CR1: variants seen among roughly 807,000 people sequenced by gnomAD.
CR1 encodes the protein complement C3b/C4b receptor 1 (Knops blood group).
CR1 carries 116 observed loss-of-function variants against 187.3 expected under a neutral mutation model. The ratio of observed to expected loss-of-function variants is 0.62; its 90% CI spans 0.53 to 0.72. The LOEUF is 0.72. Ranked by LOEUF, CR1 falls within the 30% of genes least tolerant of loss-of-function variation. The pLI is 0.00. For synonymous variants in CR1, 576 were observed against 747.1 expected (o/e 0.77, Z 3.73); for missense variants, 1,731 against 2,110.7 (o/e 0.82, Z 3.52).
intron 35 of CR1, among the ~76,000 whole-genome samples, chr1:207,589,817 G>A (rs1013300290): frequency 6.6e-6 from 1 of 152,162 alleles, no homozygotes; most frequent in Non-Finnish European, 1.5e-5. Context: ...ACTTCATGAA[G>A]CATACACAAG....
intron 42 of CR1, among the ~76,000 whole-genome samples, chr1:207,618,641 T>C (rs1662218297): frequency 1.3e-5 from 2 of 152,152 alleles, no homozygotes; most frequent in Non-Finnish European, 2.9e-5. Flanking sequence ...GAAAAAAATA[T>C]TGTAGGCTTA....
In CR1 at chr1:207,609,701, C is replaced by T; in HGVS notation, c.6295+13C>T. 1 of 1,546,378 alleles carries T rather than the reference C, an allele frequency of 6.5e-7. No homozygotes were observed. Among genetic ancestry groups the T allele is most frequent in the Middle Eastern group, 1.8e-4 (1 of 5,694 alleles). ...CACTGCTCCAGGGGTGAGTGTGACCCATCAAGACTTTGCTGGGTGTGAGGG... is the reference window on the plus strand; with the variant it reads ...CACTGCTCCAGGGGTGAGTGTGACCTATCAAGACTTTGCTGGGTGTGAGGG... On this transcript the variant is annotated intron_variant, in intron 37 of 46. Coordinates refer to ENST00000367049, the MANE Select transcript of CR1 (RefSeq NM_000651.6).
intron 41 of CR1, 79 bp downstream of exon 41, chr1:207,616,881 AT>A: frequency 6.5e-7 from 1 of 1,542,826 alleles, no homozygotes; most frequent in Non-Finnish European, 8.7e-7. Flanking sequence ...AGTGACAGTC[AT>A]TTTTGCTTGT....
intron 35 of CR1, among the ~76,000 whole-genome samples, chr1:207,597,158 G>A (rs934213975): frequency 1.3e-5 from 2 of 150,016 alleles, no homozygotes; most frequent in South Asian, 4.2e-4. Flanking sequence ...ACTCCATTTA[G>A]CAGAGCAAGA....
intron 35 of CR1, chr1:207,606,064 A>C (rs1661741433): frequency 6.6e-6 from 1 of 152,222 alleles, no homozygotes; most frequent in African/African-American, 2.4e-5. Flanking sequence ...AAAAATCACG[A>C]AAGTAGGCAG....
intron 27 of CR1, among the ~76,000 whole-genome samples, chr1:207,574,243 A>G (rs2102332865): frequency 6.6e-6 from 1 of 152,338 alleles, no homozygotes; most frequent in South Asian, 2.1e-4. Flanking sequence ...TCACTAGGGA[A>G]ACTTCTGTGT....
chr1:207,588,699 A>G lies in CR1; in HGVS notation c.5735A>G (p.Glu1912Gly). Residue 1912 changes from glutamate to glycine, a missense_variant, in exon 35 of 47, where the codon GAA becomes GGA. Glu to Gly is a moderately conservative substitution (Grantham distance 98). This residue lies in a region of CR1 where 1,312 missense variants were observed against 1,379.6 expected (regional missense o/e 0.95). Coordinates refer to ENST00000367049, the MANE Select transcript of CR1 (RefSeq NM_000651.6). ...CRRKSCGPPP[E>G]PFNGMVHINT... ...GGAAAATCATGTGGACCTCCACCAGAACCCTTCAATGGAATGGTGCATATA... is the reference window on the plus strand; with the variant it reads ...GGAAAATCATGTGGACCTCCACCAGGACCCTTCAATGGAATGGTGCATATA... The G allele has an allele frequency of 6.2e-7, 1 of 1,613,014 alleles. No individual in the cohort carries two copies. Among genetic ancestry groups the G allele is most frequent in the Non-Finnish European group, 8.5e-7 (1 of 1,179,398 alleles).
intron 35 of CR1, 86 bp from the exon 36 acceptor site, chr1:207,607,165 T>C (rs1661776837): frequency 9.4e-7 from 1 of 1,062,066 alleles, no homozygotes. Flanking sequence ...CTGTAATGTC[T>C]AATGTCTACC....
At chr1:207,622,646 T>C (rs1286519029) in intron 44 of CR1, among the ~76,000 whole-genome samples, 1 of 152,162 alleles carries the variant, frequency 6.6e-6, no homozygotes, top group Non-Finnish European at 1.5e-5. Flanking sequence ...GAGAGAGAAT[T>C]CCAGTATTTT....
chr1:207,632,381 T>C (rs1302715907), intron 46 of CR1, among the ~76,000 whole-genome samples: 1 of 152,234 alleles, frequency 6.6e-6, no homozygotes, highest in East Asian at 1.9e-4. Flanking sequence ...TCCTAGAGAA[T>C]ATATTTTTCT....
rs1266265194 is a variant in CR1, at chr1:207,578,129, T to G, written c.4862T>G (p.Val1621Gly). The G allele has an allele frequency of 8.1e-6, 13 of 1,611,710 alleles. No homozygotes were observed. The South Asian group carries it at 1.3e-4, about 16-fold the overall frequency. The part of the protein sequence containing the change: ...VVEFRCQPGF[V>G]MKGPRRVKCQ... ...GAGTTTAGGTGTCAGCCTGGCTTTGTCATGAAAGGACCCCGCCGTGTGAAG... is the reference window on the plus strand; with the variant it reads ...GAGTTTAGGTGTCAGCCTGGCTTTGGCATGAAAGGACCCCGCCGTGTGAAG... The change falls in exon 29 of 47, where the codon GTC becomes GGC. Residue 1621 changes from valine (V) to glycine (G), a missense_variant. Val to Gly is a moderately radical substitution (Grantham distance 109). Transcript: ENST00000367049.
At chr1:207,588,916 T>C in intron 35 of CR1, 142 bp downstream of exon 35, 1 of 615,466 alleles carries the variant, frequency 1.6e-6, no homozygotes, top group Non-Finnish European at 2.9e-6. Context: ...AGATGATACG[T>C]TGGACATAGC....
chr1:207,499,851 T>A (rs888781003), intron 1 of CR1, among the ~76,000 whole-genome samples: 4 of 152,182 alleles, frequency 2.6e-5, no homozygotes, highest in Non-Finnish European at 5.9e-5. Context: ...TATTTTAATC[T>A]AAAATAAGCT....
intron 32 of CR1, among the ~76,000 whole-genome samples, chr1:207,583,379 G>A (rs1661018914): frequency 6.6e-6 from 1 of 152,172 alleles, no homozygotes; most frequent in African/African-American, 2.4e-5. Context: ...ATTCTAGGGA[G>A]AATGAATGGG....
In CR1 at chr1:207,630,588, C is replaced by A. The variant is rs758680091; in HGVS notation, c.7424C>A (p.Pro2475His). The A allele has an allele frequency of 1.9e-6, 3 of 1,609,360 alleles. No homozygotes were observed. Among genetic ancestry groups the A allele is most frequent in the East Asian group, 2.2e-5 (1 of 44,730 alleles). Residue 2475 changes from proline to histidine, a missense_variant, in exon 46 of 47, where the codon CCC becomes CAC. Physicochemically the swap from Pro to His is moderately conservative, Grantham distance 77 (BLOSUM62 -2). Transcript: ENST00000367049. The part of the protein sequence containing the change: ...LHSQGGSSVH[P>H]RTLQTNEENS... ...TCTCAAGGAGGCAGCAGCGTTCATC[C>A]CCGAACTCTGCAAACAAATGAAGAA... is the stretch of plus-strand genomic sequence containing the variant.
chr1:207,507,165 G>T (rs1238705235), intron 3 of CR1: 17 of 192,812 alleles, frequency 8.8e-5, no homozygotes, highest in Non-Finnish European at 7.3e-5. Flanking sequence ...CTGTGTGAGA[G>T]AAATCTTAAC....
intron 3 of CR1, 109 bp downstream of exon 3, chr1:207,506,922 T>G: frequency 1.2e-6 from 1 of 846,056 alleles, no homozygotes; most frequent in Non-Finnish European, 1.8e-6. Context: ...TACCATCTGC[T>G]CTTTAACGGC....
intron 2 of CR1, 49 bp downstream of exon 2, chr1:207,506,132 G>T (rs1270800104): frequency 6.3e-7 from 1 of 1,589,206 alleles, no homozygotes; most frequent in East Asian, 2.2e-5. Context: ...ACATCTGTAA[G>T]ATCTGATTCA....
Position 207,580,521 on chromosome 1 carries a change from T to A in CR1, c.5124T>A (p.Cys1708Ter). 1 of 1,609,872 alleles carries A rather than the reference T, an allele frequency of 6.2e-7. No individual in the cohort carries two copies. Among genetic ancestry groups the A allele is most frequent in the Non-Finnish European group, 8.5e-7 (1 of 1,178,852 alleles). Residue 1708 changes from cysteine (C) to a stop codon, truncating the protein, a stop_gained, in exon 31 of 47, where the codon TGT becomes TGA. Transcript: ENST00000367049. LOFTEE classifies it high-confidence loss of function. Reference protein sequence around the residue: ...PEAPRCAVKSCDDFLGQLPHG... With the variant: ...PEAPRCAVKS ...TTTTTCTTCTTCTAGTGAAATCCTG[T>A]GATGACTTCTTGGGTCAACTCCCTC...
Sources: gnomAD v4.1 joint callset for allele counts (sites outside exome capture counted in the v4.1 genomes callset) on GRCh38, gnomAD v4.1.1 for gene constraint, gnomAD v4.1.1 regional missense constraint, MANE v1.5 for transcripts, NCBI Gene and HGNC (gene_info 2026-07-23, HGNC 2026-07-21) for gene names.